Variants in CST5 observed in about 807,000 individuals in gnomAD.
CST5 encodes cystatin-D.
A neutral mutation model predicts 11.5 loss-of-function variants in CST5; 13 were observed. That is an observed-to-expected ratio of 1.13 (90% CI 0.73 to 1.79). The LOEUF (loss-of-function observed/expected upper bound fraction) is 1.79. Ranked by LOEUF, CST5 falls within the 40% of genes most tolerant of loss-of-function variation. The probability of loss-of-function intolerance (pLI) is 0.00; values close to 1 mark genes in which losing one functional copy is unlikely to be tolerated. For synonymous variants in CST5, 81 were observed against 67.6 expected (o/e 1.20, Z -0.97); for missense variants, 219 against 174.5 (o/e 1.25, Z -1.44).
Position 23,879,614 on chromosome 20 carries a change from C to T in CST5, c.63G>A (p.Gly21=), listed in dbSNP as rs774230413. ...AGGTCCTAGATTGGGCCGAGGCACT[C>T]CCGGCCACGGCCACCATCAAGGCAG... ...LLTALMVAVA[G]SASAQSRTLA... is the part of the protein sequence containing the mutation. The change falls in exon 1 of 3, where the codon GGG becomes GGA. Residue 21 remains glycine, a synonymous_variant. Transcript: ENST00000304710. 1 of 1,614,100 alleles carries T rather than the reference C, an allele frequency of 6.2e-7. No individual in the cohort carries two copies. The highest frequency in any genetic ancestry group is 8.5e-7 in the Non-Finnish European group (1 of 1,180,002).
Position 23,878,199 on chromosome 20 carries a change from C to T in CST5, c.232-581G>A, listed in dbSNP as rs188194039. 4.0e-4 allele frequency among the ~76,000 whole-genome samples: 61 copies of T among 152,324 alleles called. No individual in the cohort carries two copies. The East Asian group carries it at 0.011, about 28-fold the overall frequency. Reference sequence around the variant, plus strand: ...CCCAGAGGTATTTTTCCTCATTTCTCAGTAGGAGATGAGATGCTCACATAC... The same window carrying T: ...CCCAGAGGTATTTTTCCTCATTTCTTAGTAGGAGATGAGATGCTCACATAC... On this transcript the variant is annotated intron_variant, in intron 1 of 2. Transcript: ENST00000304710.
chr20:23,876,019 C>A lies in CST5; in HGVS notation c.*169G>T. The A allele has an allele frequency of 3.6e-6, 2 of 562,972 alleles. No individual in the cohort carries two copies. The highest frequency in any genetic ancestry group is 6.4e-6 in the Non-Finnish European group (2 of 313,200). 34.9% of individuals were successfully genotyped at this position (562,972 alleles called of 1,614,324 possible). ...AGAAGCAAGAAGGAAGGAGCAAGGG[C>A]AGAGCCTCCTGCTGAGCAACAAAGG... On this transcript the variant is annotated 3_prime_UTR_variant, in exon 3 of 3. Transcript: ENST00000304710.
At chr20:23,878,440 C>T (rs946182443) in intron 1 of CST5, among the ~76,000 whole-genome samples, 42 of 152,162 alleles carry the variant, frequency 2.8e-4, no homozygotes, top group African/African-American at 9.7e-4. Flanking sequence ...GACCAGGGTG[C>T]TAGACCTTGC....
Position 23,875,944 on chromosome 20 carries a change from C to T in CST5, c.*244G>A. 2.8e-6 allele frequency: 1 copy of T among 360,132 alleles called. No individual in the cohort carries two copies. Among genetic ancestry groups the T allele is most frequent in the Non-Finnish European group, 5.0e-6 (1 of 198,442 alleles). 22.3% of individuals were successfully genotyped at this position (360,132 alleles called of 1,614,324 possible). ...AAGAACTCAGAGGGAGGCAATGCTACTGTTTAATTGCAGGAGGTGGGAGAG... is the reference window on the plus strand; with the variant it reads ...AAGAACTCAGAGGGAGGCAATGCTATTGTTTAATTGCAGGAGGTGGGAGAG... On this transcript the variant is annotated 3_prime_UTR_variant, in exon 3 of 3. Coordinates refer to ENST00000304710, the MANE Select transcript of CST5 (RefSeq NM_001900.5).
At chr20:23,876,460 C>CAAGG (rs1320031998) in intron 2 of CST5, among the ~76,000 whole-genome samples, 189 bp from the exon 3 acceptor site, 1 of 152,168 alleles carries the variant, frequency 6.6e-6, no homozygotes, top group Admixed American at 6.5e-5. Context: ...TTGCCCCTCC[C>CAAGG]AAGGCTCCAA....
chr20:23,876,803 G>A (rs948144634), intron 2 of CST5, among the ~76,000 whole-genome samples: 1 of 152,138 alleles, frequency 6.6e-6, no homozygotes, highest in East Asian at 1.9e-4. Flanking sequence ...GCAGGTCCAG[G>A]GCTTCTCAGC....
intron 1 of CST5, 82 bp from the exon 2 acceptor site, chr20:23,877,700 A>G (rs1348926719): frequency 7.7e-6 from 9 of 1,162,426 alleles, no homozygotes; most frequent in Admixed American, 1.9e-5. Context: ...TGACTGAGTC[A>G]CTGGGCTTGC....
intron 2 of CST5, 65 bp downstream of exon 2, chr20:23,877,438 TAC>T (rs934414280): frequency 1.3e-3 from 1,508 of 1,185,460 alleles, no homozygotes; most frequent in Non-Finnish European, 1.5e-3. Context: ...CACACACACA[TAC>T]ACACACACAC....
Position 23,879,612 on chromosome 20 carries a change from C to T in CST5, c.65G>A (p.Ser22Asn), listed in dbSNP as rs1345871546. 1.9e-6 allele frequency: 3 copies of T among 1,614,104 alleles called. No individual in the cohort carries two copies. The highest frequency in any genetic ancestry group is 3.3e-5 in the Admixed American group (2 of 60,016). The change falls in exon 1 of 3, where the codon AGT becomes AAT. Residue 22 changes from serine (S) to asparagine (N), a missense_variant. Coordinates refer to ENST00000304710, the MANE Select transcript of CST5 (RefSeq NM_001900.5). ...CAAGGTCCTAGATTGGGCCGAGGCA[C>T]TCCCGGCCACGGCCACCATCAAGGC... ...LTALMVAVAG[S>N]ASAQSRTLAG...
intron 2 of CST5, 60 bp from the exon 3 acceptor site, chr20:23,876,331 C>T: frequency 7.4e-7 from 1 of 1,353,342 alleles, no homozygotes. Context: ...CAAAGATGCC[C>T]AGGAATGGGA....
Position 23,877,622 on chromosome 20 carries a change from C to T in CST5, c.232-4G>A, listed in dbSNP as rs1198430692. 1 of 1,609,742 alleles carries T rather than the reference C, an allele frequency of 6.2e-7. No homozygotes were observed. The highest frequency in any genetic ancestry group is 8.5e-7 in the Non-Finnish European group (1 of 1,177,092). Reference sequence around the variant, plus strand: ...AGTAGTTCACCCCACCCACGATCTACACGCGTGGAAGAGCAGGAAGCAGGG... The same window carrying T: ...AGTAGTTCACCCCACCCACGATCTATACGCGTGGAAGAGCAGGAAGCAGGG... On this transcript the variant is annotated splice_polypyrimidine_tract_variant and splice_region_variant and intron_variant, in intron 1 of 2. Coordinates refer to ENST00000304710, the MANE Select transcript of CST5 (RefSeq NM_001900.5).
intron 2 of CST5, 92 bp downstream of exon 2, chr20:23,877,413 G>A: frequency 3.1e-6 from 3 of 955,444 alleles, no homozygotes; most frequent in Admixed American, 1.9e-5. Context: ...GCATGTGCAG[G>A]AGTACAGATG....
rs1269406286 is a variant in CST5 at position 23,877,483 on chromosome 20, C to T, written c.345+22G>A. 3 of 1,591,480 alleles carry T rather than the reference C, an allele frequency of 1.9e-6. No individual in the cohort carries two copies. The East Asian group carries it at 6.7e-5, about 36-fold the overall frequency. ...CACTGCTCTGCGGTACTTGATGCCC[C>T]TGACCCACATCAGGCACATACCTCT... On this transcript the variant is annotated intron_variant, in intron 2 of 2. Coordinates refer to ENST00000304710, the MANE Select transcript of CST5 (RefSeq NM_001900.5).
intron 2 of CST5, 40 bp downstream of exon 2, chr20:23,877,465 C>G: frequency 6.8e-7 from 1 of 1,476,486 alleles, no homozygotes; most frequent in Admixed American, 1.7e-5. Flanking sequence ...ACACACTGCT[C>G]TGCGGTACTT....
rs1474673814 is a variant in CST5, at chr20:23,876,235, A to G, written c.382T>C (p.Trp128Arg). The G allele has an allele frequency of 6.2e-7, 1 of 1,613,842 alleles. No individual in the cohort carries two copies. Among genetic ancestry groups the G allele is most frequent in the Non-Finnish European group, 8.5e-7 (1 of 1,179,826 alleles). ...FCSFQINEVP[W>R]EDKISILNYK... ...TTCAGAATGGAAATTTTATCCTCCCAGGGAACTTCATTGATCTGGAAAGAG... is the reference window on the plus strand; with the variant it reads ...TTCAGAATGGAAATTTTATCCTCCCGGGGAACTTCATTGATCTGGAAAGAG... Residue 128 changes from tryptophan to arginine, a missense_variant, in exon 3 of 3, where the codon TGG becomes CGG. Physicochemically the swap from Trp to Arg is moderately radical, Grantham distance 101 (BLOSUM62 -3). Transcript: ENST00000304710.
chr20:23,879,645 A>G lies in CST5; in HGVS notation c.32T>C (p.Leu11Pro). 6.2e-7 allele frequency: 1 copy of G among 1,614,114 alleles called. No homozygotes were observed. The highest frequency in any genetic ancestry group is 8.5e-7 in the Non-Finnish European group (1 of 1,179,972). Residue 11 changes from leucine (L) to proline (P), a missense_variant, in exon 1 of 3, where the codon CTG (leucine) becomes CCG (proline). Transcript: ENST00000304710. ...CACGGCCACCATCAAGGCAGTCAGCAGCAGCAGTGGGGTGTGCATGGGCCA... is the reference window on the plus strand; with the variant it reads ...CACGGCCACCATCAAGGCAGTCAGCGGCAGCAGTGGGGTGTGCATGGGCCA... Reference protein sequence around the residue: MMWPMHTPLLLLTALMVAVAG... With the variant: MMWPMHTPLLPLTALMVAVAG...
chr20:23,876,565 T>G (rs1361842789), intron 2 of CST5, among the ~76,000 whole-genome samples: 1 of 152,124 alleles, frequency 6.6e-6, no homozygotes, highest in African/African-American at 2.4e-5. Context: ...CTTGGGAGCC[T>G]CAGGGGTGCA....
chr20:23,879,684 T>C lies in CST5; in HGVS notation c.-8A>G. 1 of 1,610,378 alleles carries C rather than the reference T, an allele frequency of 6.2e-7. No individual in the cohort carries two copies. The highest frequency in any genetic ancestry group is 1.1e-5 in the South Asian group (1 of 90,918). On this transcript the variant is annotated 5_prime_UTR_variant, in exon 1 of 3. Coordinates refer to ENST00000304710, the MANE Select transcript of CST5 (RefSeq NM_001900.5). Reference sequence around the variant, plus strand: ...GTGCATGGGCCACATCATGTTCTACTGGGACACAGAGCAAGGAGCTGGATC... The same window carrying C: ...GTGCATGGGCCACATCATGTTCTACCGGGACACAGAGCAAGGAGCTGGATC...
rs1027786762 is a variant in CST5 at position 23,876,024 on chromosome 20, C to A, written c.*164G>T. On this transcript the variant is annotated 3_prime_UTR_variant, in exon 3 of 3. Transcript: ENST00000304710. ...CAAGAAGGAAGGAGCAAGGGCAGAG[C>A]CTCCTGCTGAGCAACAAAGGCCTCC... The A allele has an allele frequency of 5.2e-5, 30 of 573,448 alleles. No individual in the cohort carries two copies. The highest frequency in any genetic ancestry group is 2.8e-5 in the Non-Finnish European group (9 of 319,050). The allele number at this position is 573,448 out of a possible 1,614,324, so 35.5% of individuals were successfully genotyped here. A position where few individuals can be genotyped will look rare whatever the true frequency, so the allele number is the denominator to read the frequency against.
Sources: gnomAD v4.1 joint callset for allele counts (sites outside exome capture counted in the v4.1 genomes callset) on GRCh38, gnomAD v4.1.1 for gene constraint, MANE v1.5 for transcripts, NCBI Gene and HGNC (gene_info 2026-07-23, HGNC 2026-07-21) for gene names.